The following IQCB1 variants were observed in gnomAD, a reference collection of about 807,000 sequenced individuals.
IQCB1 encodes the protein IQ calmodulin-binding motif-containing protein 1.
A neutral mutation model predicts 84.4 loss-of-function variants in IQCB1; 56 were observed. The ratio of observed to expected loss-of-function variants is 0.66; its 90% CI spans 0.54 to 0.83. The LOEUF is 0.83. Ranked by LOEUF, IQCB1 falls within the 40% of genes least tolerant of loss-of-function variation. The pLI is 0.00. For missense variants in IQCB1, 629 were observed against 682.1 expected (o/e 0.92, Z 0.87); for synonymous variants, 210 against 234.8 (o/e 0.89, Z 0.96).
intron 3 of IQCB1, 69 bp downstream of exon 3, chr3:121,828,792 T>C (rs549232234): frequency 9.0e-7 from 1 of 1,114,220 alleles, no homozygotes; most frequent in African/African-American, 1.5e-5. Flanking sequence ...AAAGAAATGT[T>C]AAAATTGTAC....
At chr3:121,802,679 T>C (rs1241039790) in intron 7 of IQCB1, among the ~76,000 whole-genome samples, 1 of 152,152 alleles carries the variant, frequency 6.6e-6, no homozygotes, top group Non-Finnish European at 1.5e-5. Flanking sequence ...TCAACCTTTA[T>C]CATTTTCTTT....
At chr3:121,800,208 A>C (rs939245830) in intron 7 of IQCB1, among the ~76,000 whole-genome samples, 5 of 151,996 alleles carry the variant, frequency 3.3e-5, no homozygotes, top group African/African-American at 1.2e-4. Flanking sequence ...TCTATCAGCA[A>C]ATTTACTTCT....
chr3:121,779,893 C>T (rs1294841429), intron 13 of IQCB1, among the ~76,000 whole-genome samples: 3 of 152,100 alleles, frequency 2.0e-5, no homozygotes, highest in Admixed American at 6.6e-5. Context: ...CTTCACAATA[C>T]CCTGTGAATT....
At chr3:121,828,412 A>C in intron 4 of IQCB1, 58 bp downstream of exon 4, 1 of 1,468,362 alleles carries the variant, frequency 6.8e-7, no homozygotes, top group Non-Finnish European at 9.5e-7. Context: ...GCAAATGTTG[A>C]AAATCAGAAT....
chr3:121,780,485 T>G (rs1335520760), intron 13 of IQCB1, among the ~76,000 whole-genome samples: 2 of 152,184 alleles, frequency 1.3e-5, no homozygotes, highest in African/African-American at 4.8e-5. Context: ...GGGCCTGATA[T>G]AGAAGGGTAG....
chr3:121,770,535 T>G lies in IQCB1; in HGVS notation c.1607A>C (p.Glu536Ala), dbSNP rs1036961397. The change falls in exon 15 of 15, where the codon GAG becomes GCG. Residue 536 changes from glutamate to alanine, a missense_variant. Physicochemically the swap from Glu to Ala is moderately radical, Grantham distance 107 (BLOSUM62 -1). Transcript: ENST00000310864. ...AGGCCTGGATCTACTTAGGAAGAGC[T>G]CAGGTTCTTTCCCTTCTGCCTCCTT... ...SLKEAEGKEP[E>A]LFLSRSRPVA... 6.2e-7 allele frequency: 1 copy of G among 1,614,114 alleles called. No individual in the cohort carries two copies. Among genetic ancestry groups the G allele is most frequent in the African/African-American group, 1.3e-5 (1 of 75,064 alleles).
intron 14 of IQCB1, among the ~76,000 whole-genome samples, chr3:121,771,159 C>T (rs59740137): frequency 1.2e-4 from 18 of 149,594 alleles, no homozygotes; most frequent in African/African-American, 3.9e-4. Flanking sequence ...TTAGTAGAGA[C>T]GGGCGTTTCA....
Position 121,781,890 on chromosome 3 carries a change from T to C in IQCB1, c.1279-16A>G, listed in dbSNP as rs754160972. 8.7e-6 allele frequency: 14 copies of C among 1,610,590 alleles called. 1 individual carries two copies. Among genetic ancestry groups the C allele is most frequent in the Admixed American group, 8.4e-5 (5 of 59,860 alleles). On this transcript the variant is annotated splice_polypyrimidine_tract_variant and intron_variant, in intron 12 of 14. Coordinates refer to ENST00000310864, the MANE Select transcript of IQCB1 (RefSeq NM_001023570.4). ...ATTTAAGCGCCTGGAAGAAAAAAAATTGAAGGTTTGTGATTTTTCTCCCCT... is the reference window on the plus strand; with the variant it reads ...ATTTAAGCGCCTGGAAGAAAAAAAACTGAAGGTTTGTGATTTTTCTCCCCT...
In IQCB1 at chr3:121,807,436, T is replaced by TG. The variant is rs754989187; in HGVS notation, c.494_495insC (p.Gln165HisfsTer3). On this transcript the variant is annotated frameshift_variant, in exon 7 of 15. Transcript: ENST00000310864. LOFTEE classifies it high-confidence loss of function. ...GCAGTAAATGTAAGAAATGATCACT[T>TG]TGTAGTACTAAAGGAAAAGAAAAAA... 6.8e-7 allele frequency: 1 copy of TG among 1,463,372 alleles called. No homozygotes were observed. The highest frequency in any genetic ancestry group is 1.7e-5 in the Admixed American group (1 of 59,610). 90.6% of individuals were successfully genotyped at this position (1,463,372 alleles called of 1,614,324 possible).
At chr3:121,796,175 AG>A (rs532439350) in intron 9 of IQCB1, among the ~76,000 whole-genome samples, 41 of 152,266 alleles carry the variant, frequency 2.7e-4, no homozygotes, top group African/African-American at 8.9e-4. Context: ...GCATATGCAT[AG>A]TTTTGAGATT....
chr3:121,827,432 G>C (rs1950499616), intron 4 of IQCB1, among the ~76,000 whole-genome samples: 1 of 151,752 alleles, frequency 6.6e-6, no homozygotes, highest in Admixed American at 6.6e-5. Flanking sequence ...TATCTTTTTT[G>C]ATTGAGAAGA....
chr3:121,820,232 T>C (rs1038440287), intron 5 of IQCB1, among the ~76,000 whole-genome samples: 1 of 152,166 alleles, frequency 6.6e-6, no homozygotes, highest in Non-Finnish European at 1.5e-5. Context: ...TAGACATCAC[T>C]ACTTAAATTA....
chr3:121,794,066 G>C (rs535898170), intron 10 of IQCB1, among the ~76,000 whole-genome samples: 1 of 151,762 alleles, frequency 6.6e-6, no homozygotes, highest in Middle Eastern at 3.4e-3. Context: ...AGATGCTTTG[G>C]GTAGAAAAAT....
At chr3:121,817,847 A>G (rs1042508645) in intron 5 of IQCB1, among the ~76,000 whole-genome samples, 8 of 152,018 alleles carry the variant, frequency 5.3e-5, no homozygotes, top group Admixed American at 3.3e-4. Context: ...AAAGAAAGAA[A>G]GAAGGAAAAG....
chr3:121,813,533 A>C (rs1284907672), intron 5 of IQCB1, among the ~76,000 whole-genome samples: 2 of 152,240 alleles, frequency 1.3e-5, no homozygotes, highest in Admixed American at 6.5e-5. Flanking sequence ...GACCCATCTC[A>C]CATGCAAATA....
rs1489496240 is a variant in IQCB1 at position 121,828,553 on chromosome 3, T to C, written c.180A>G (p.Gln60=). The C allele has an allele frequency of 3.7e-6, 6 of 1,608,384 alleles. No homozygotes were observed. Among genetic ancestry groups the C allele is most frequent in the East Asian group, 4.5e-5 (2 of 44,788 alleles). The part of the protein sequence containing the change: ...KQDIYCYDLI[Q]YCLLVLSQDY... ...CTTGACTGAGGACCAAGAGGCAATATTGAATGAGATCATAACAATATATAT... is the reference window on the plus strand; with the variant it reads ...CTTGACTGAGGACCAAGAGGCAATACTGAATGAGATCATAACAATATATAT... The change falls in exon 4 of 15, where the codon CAA becomes CAG. Residue 60 remains glutamine (Q), a synonymous_variant. Transcript: ENST00000310864.
rs1270069353 is a variant in IQCB1, at chr3:121,770,549, T to C, written c.1593A>G (p.Glu531=). 6.2e-7 allele frequency: 1 copy of C among 1,613,750 alleles called. No individual in the cohort carries two copies. Among genetic ancestry groups the C allele is most frequent in the African/African-American group, 1.3e-5 (1 of 74,934 alleles). The change falls in exon 15 of 15, where the codon GAA becomes GAG. Residue 531 remains glutamate, a synonymous_variant. Coordinates refer to ENST00000310864, the MANE Select transcript of IQCB1 (RefSeq NM_001023570.4). The part of the protein sequence containing the change: ...LMKAPSLKEA[E]GKEPELFLSR... Reference sequence around the variant, plus strand: ...TTAGGAAGAGCTCAGGTTCTTTCCCTTCTGCCTCCTTCAGACTTGGTGCCT... The same window carrying C: ...TTAGGAAGAGCTCAGGTTCTTTCCCCTCTGCCTCCTTCAGACTTGGTGCCT...
intron 6 of IQCB1, among the ~76,000 whole-genome samples, 191 bp downstream of exon 6, chr3:121,808,725 C>T (rs1949704825): frequency 6.6e-6 from 1 of 151,888 alleles, no homozygotes; most frequent in African/African-American, 2.4e-5. Context: ...ATTTAATATT[C>T]ACATTGTTGA....
chr3:121,793,548 T>C (rs1028739001), intron 10 of IQCB1, among the ~76,000 whole-genome samples: 23 of 152,116 alleles, frequency 1.5e-4, no homozygotes, highest in Admixed American at 3.9e-4. Flanking sequence ...TTACAACTAA[T>C]AGAAGAGCGA....
Sources: gnomAD v4.1 joint callset for allele counts (sites outside exome capture counted in the v4.1 genomes callset) on GRCh38, gnomAD v4.1.1 for gene constraint, MANE v1.5 for transcripts, NCBI Gene and HGNC (gene_info 2026-07-23, HGNC 2026-07-21) for gene names.